TMEM131: variants seen among roughly 807,000 people sequenced by gnomAD.
TMEM131 encodes the protein transmembrane protein 131.
A neutral mutation model predicts 211.6 loss-of-function variants in TMEM131; 66 were observed. The ratio of observed to expected loss-of-function variants is 0.31; its 90% CI spans 0.26 to 0.38. The LOEUF is 0.38. Ranked by LOEUF, TMEM131 falls within the 10% of genes least tolerant of loss-of-function variation. The pLI, the probability that TMEM131 is intolerant of heterozygous loss-of-function variation, is 1.00. For missense variants in TMEM131, 2,036 were observed against 2,299.3 expected (o/e 0.89, Z 2.34); for synonymous variants, 844 against 841.3 (o/e 1.00, Z -0.06).
At chr2:97,945,423 A>G (rs1019487086) in intron 1 of TMEM131, among the ~76,000 whole-genome samples, 3 of 152,150 alleles carry the variant, frequency 2.0e-5, no homozygotes, top group Non-Finnish European at 4.4e-5. Flanking sequence ...CCACTGAATT[A>G]TACACTTTAA....
intron 19 of TMEM131, among the ~76,000 whole-genome samples, chr2:97,809,023 C>T (rs1681433683): frequency 1.3e-5 from 2 of 152,142 alleles, no homozygotes; most frequent in Non-Finnish European, 2.9e-5. Flanking sequence ...GGACTCTGGC[C>T]AGTCTGCGGG....
At chr2:97,841,224 G>A (rs774651691) in intron 7 of TMEM131, among the ~76,000 whole-genome samples, 5 of 152,178 alleles carry the variant, frequency 3.3e-5, no homozygotes, top group Non-Finnish European at 7.3e-5. Context: ...GAAAATCTCT[G>A]AAGGAATGAC....
chr2:97,915,115 T>C (rs1201885226), intron 2 of TMEM131, among the ~76,000 whole-genome samples: 2 of 152,260 alleles, frequency 1.3e-5, no homozygotes, highest in Non-Finnish European at 2.9e-5. Context: ...CAGGTTTTCA[T>C]GTCGTTTTTA....
rs1678726957 is a variant in TMEM131 at position 97,759,865 on chromosome 2, A to G, written c.5109-116T>C. ...CACTGCTTCAACTGGGGGTACTCAA[A>G]TATTAAAAACAGACAAAAGGAAGAG... On this transcript the variant is annotated intron_variant, in intron 38 of 40. Transcript: ENST00000186436. 4 of 740,544 alleles carry G rather than the reference A, an allele frequency of 5.4e-6. No individual in the cohort carries two copies. In the South Asian group the frequency reaches 6.5e-5, roughly 12 times the overall value. The allele number at this position is 740,544 out of a possible 1,614,324, so 45.9% of individuals were successfully genotyped here.
intron 1 of TMEM131, among the ~76,000 whole-genome samples, chr2:97,942,632 T>C (rs563109291): frequency 2.0e-3 from 303 of 151,666 alleles, no homozygotes; most frequent in Non-Finnish European, 3.5e-3. Flanking sequence ...CTACATGAAA[T>C]GAACAAATAA....
chr2:97,867,640 T>G (rs1674325581), intron 4 of TMEM131, among the ~76,000 whole-genome samples: 2 of 152,186 alleles, frequency 1.3e-5, no homozygotes. Context: ...TCAGGCCTGC[T>G]GCATCTGGGA....
At chr2:97,913,619 C>A (rs1676382410) in intron 2 of TMEM131, among the ~76,000 whole-genome samples, 1 of 152,144 alleles carries the variant, frequency 6.6e-6, no homozygotes. Context: ...TTATTGCTAA[C>A]AAATTTTAAG....
intron 1 of TMEM131, among the ~76,000 whole-genome samples, chr2:97,968,958 C>A (rs62156525): frequency 0.072 from 10,853 of 151,704 alleles, 464 homozygotes; most frequent in Middle Eastern, 0.12. Context: ...GGAGGCGCAC[C>A]TCTAGTCTTA....
At chr2:97,948,512 A>G (rs1012580659) in intron 1 of TMEM131, among the ~76,000 whole-genome samples, 5 of 152,240 alleles carry the variant, frequency 3.3e-5, no homozygotes, top group Non-Finnish European at 5.9e-5. Context: ...AGACACCACT[A>G]CATAACCAAT....
intron 25 of TMEM131, among the ~76,000 whole-genome samples, chr2:97,801,271 G>GA (rs1480189079): frequency 6.6e-6 from 1 of 152,240 alleles, no homozygotes; most frequent in African/African-American, 2.4e-5. Flanking sequence ...AGTTTGCAGG[G>GA]AGCCTTAGCT....
chr2:97,975,338 A>C (rs773270922), intron 1 of TMEM131, among the ~76,000 whole-genome samples: 1 of 152,158 alleles, frequency 6.6e-6, no homozygotes, highest in Non-Finnish European at 1.5e-5. Context: ...ATAAAGCCAA[A>C]AGATGCTTTT....
In TMEM131 at chr2:97,792,479, T is replaced by C. The variant is rs375466644; in HGVS notation, c.4051A>G (p.Ile1351Val). The change falls in exon 31 of 41, where the codon ATA becomes GTA. Residue 1351 changes from isoleucine (I) to valine (V), a missense_variant. Physicochemically the swap from Ile to Val is conservative, Grantham distance 29. Coordinates refer to ENST00000186436, the MANE Select transcript of TMEM131 (RefSeq NM_015348.2). ...SSEDSDITSL[I>V]EAMDKDFDHH... ...TCGAAGTCTTTGTCCATGGCTTCTA[T>C]GAGACTGGTGATGTCCGAGTCCTCG... The C allele has an allele frequency of 2.0e-5, 33 of 1,613,632 alleles. No homozygotes were observed. Among genetic ancestry groups the C allele is most frequent in the Middle Eastern group, 1.6e-4 (1 of 6,084 alleles).
chr2:97,830,608 T>C (rs1682631869), intron 11 of TMEM131, among the ~76,000 whole-genome samples: 1 of 152,246 alleles, frequency 6.6e-6, no homozygotes, highest in African/African-American at 2.4e-5. Context: ...TAAGCTGATA[T>C]TATGATTCCG....
intron 1 of TMEM131, among the ~76,000 whole-genome samples, chr2:97,974,198 G>GA (rs1679425719): frequency 6.6e-6 from 1 of 152,084 alleles, no homozygotes. Context: ...TTTGTGAGAT[G>GA]AAAAAAATGT....
Position 97,825,249 on chromosome 2 carries a change from C to T in TMEM131, c.1075-6528G>A, listed in dbSNP as rs970252213. On this transcript the variant is annotated intron_variant, in intron 11 of 40. Coordinates refer to ENST00000186436, the MANE Select transcript of TMEM131 (RefSeq NM_015348.2). ...GATGACTTACTTTTGGCTATCAGTT[C>T]GGAAGCCTCATGCCAGCAGGCTACT... 2.6e-5 allele frequency among the ~76,000 whole-genome samples: 4 copies of T among 152,164 alleles called. No individual in the cohort carries two copies. In the East Asian group the frequency reaches 5.8e-4, roughly 22 times the overall value.
At chr2:97,851,545 G>A (rs541429977) in intron 5 of TMEM131, among the ~76,000 whole-genome samples, 73 of 152,284 alleles carry the variant, frequency 4.8e-4, no homozygotes, top group African/African-American at 1.6e-3. Flanking sequence ...TAGCAACCAC[G>A]CATCAAGCAA....
intron 31 of TMEM131, among the ~76,000 whole-genome samples, chr2:97,786,408 CCTACAAGTTCCAG>C (rs1313659547): frequency 3.3e-5 from 5 of 151,998 alleles, no homozygotes; most frequent in African/African-American, 1.2e-4. Flanking sequence ...GTGGTGCATA[CCTACAAGTTCCAG>C]CTACTTGGGA....
In TMEM131 at chr2:97,796,366, T is replaced by C. The variant is rs1267911745; in HGVS notation, c.3052A>G (p.Thr1018Ala). ...TGTCCTGTATTCTCTACCTTAAATGTTCTTTTCAATGTGAAATTTGGTTCT... is the reference window on the plus strand; with the variant it reads ...TGTCCTGTATTCTCTACCTTAAATGCTCTTTTCAATGTGAAATTTGGTTCT... ...LREPNFTLKR[T>A]FKVENTGQLQ... is the part of the protein sequence containing the mutation. The change falls in exon 28 of 41, where the codon ACA becomes GCA. Residue 1018 changes from threonine to alanine, a missense_variant. This residue lies in a region of TMEM131 where 1,623 missense variants were observed against 1,805.9 expected (regional missense o/e 0.90). Coordinates refer to ENST00000186436, the MANE Select transcript of TMEM131 (RefSeq NM_015348.2). 41 of 1,537,254 alleles carry C rather than the reference T, an allele frequency of 2.7e-5. No homozygotes were observed. The highest frequency in any genetic ancestry group is 3.6e-5 in the Non-Finnish European group (41 of 1,144,222).
intron 35 of TMEM131, chr2:97,765,144 A>C (rs997347076): frequency 2.0e-5 from 3 of 152,256 alleles, no homozygotes; most frequent in African/African-American, 7.2e-5. Context: ...TGCTGAGTGA[A>C]GGATTTAGGA....
Sources: allele counts gnomAD v4.1 joint callset (sites outside exome capture counted in the v4.1 genomes callset), GRCh38; gene constraint gnomAD v4.1.1; regional missense constraint gnomAD v4.1.1; transcripts MANE v1.5; gene names NCBI Gene and HGNC (gene_info 2026-07-23, HGNC 2026-07-21).